The following IGSF11 variants were observed in gnomAD, a reference collection of about 807,000 sequenced individuals.
IGSF11 encodes the protein immunoglobulin superfamily member 11.
Under a neutral mutation model 41.0 loss-of-function variants are expected in IGSF11, and 22 were observed. That is an observed-to-expected ratio of 0.54 (90% CI 0.38 to 0.77). The LOEUF is 0.77. Among genes scored for constraint, IGSF11 ranks in the 30% least tolerant of loss-of-function variants. The probability of loss-of-function intolerance (pLI) is 0.00; values close to 1 mark genes in which losing one functional copy is unlikely to be tolerated. For missense variants in IGSF11, 444 were observed against 530.8 expected (o/e 0.84, Z 1.61); for synonymous variants, 219 against 201.3 (o/e 1.09, Z -0.74).
intron 1 of IGSF11, among the ~76,000 whole-genome samples, chr3:119,084,539 C>T (rs1559858372): frequency 6.6e-6 from 1 of 152,138 alleles, no homozygotes; most frequent in East Asian, 1.9e-4. Context: ...GCACCCACCC[C>T]CACTGCAGGC....
chr3:119,024,587 T>C (rs183461289), intron 1 of IGSF11, among the ~76,000 whole-genome samples: 12 of 152,284 alleles, frequency 7.9e-5, no homozygotes, highest in African/African-American at 2.9e-4. Context: ...TAATCAACGA[T>C]ATAAAATCAA....
At chr3:118,953,554 G>A (rs574756197) in intron 1 of IGSF11, among the ~76,000 whole-genome samples, 4 of 152,198 alleles carry the variant, frequency 2.6e-5, no homozygotes, top group Admixed American at 6.5e-5. Flanking sequence ...CCTCATCCAT[G>A]CCAACATCTA....
intron 1 of IGSF11, among the ~76,000 whole-genome samples, chr3:118,975,146 A>G (rs1270958738): frequency 6.6e-6 from 1 of 152,202 alleles, no homozygotes; most frequent in African/African-American, 2.4e-5. Flanking sequence ...TATTCTGGAG[A>G]AGAAATTCTC....
upstream of IGSF11, among the ~76,000 whole-genome samples, chr3:119,106,772 G>A (rs868068038): frequency 1.3e-5 from 2 of 149,986 alleles, no homozygotes; most frequent in Middle Eastern, 3.4e-3. Context: ...ACAGTGTGAT[G>A]TTCCCCTTCC....
At chr3:119,019,267 A>G (rs1169107281) in intron 1 of IGSF11, among the ~76,000 whole-genome samples, 3 of 151,630 alleles carry the variant, frequency 2.0e-5, no homozygotes, top group Non-Finnish European at 2.9e-5. Flanking sequence ...AAGGACAGCA[A>G]TAAGTACATT....
intron 2 of IGSF11, 87 bp downstream of exon 2, chr3:118,930,025 A>G: frequency 1.5e-6 from 2 of 1,366,084 alleles, no homozygotes; most frequent in African/African-American, 1.5e-5. Flanking sequence ...TATTCTCGAA[A>G]CCAAAGATGT....
chr3:119,129,663 A>G (rs909651918), intron 1 of IGSF11, among the ~76,000 whole-genome samples: 1 of 152,144 alleles, frequency 6.6e-6, no homozygotes, highest in Non-Finnish European at 1.5e-5. Context: ...GGTAACCTCA[A>G]ATCAAAAAAC....
intron 4 of IGSF11, among the ~76,000 whole-genome samples, chr3:118,914,405 T>C (rs1055256984): frequency 2.6e-5 from 4 of 151,444 alleles, no homozygotes; most frequent in Admixed American, 2.6e-4. Flanking sequence ...GCGCGCACCG[T>C]GTGCGAGCCG....
intron 1 of IGSF11, among the ~76,000 whole-genome samples, chr3:119,004,790 T>C (rs1425776126): frequency 6.6e-6 from 1 of 151,516 alleles, no homozygotes; most frequent in Non-Finnish European, 1.5e-5. Flanking sequence ...AGATTCTTAA[T>C]CCTGAGTTCT....
chr3:119,144,732 T>C (rs568603709), intron 1 of IGSF11, among the ~76,000 whole-genome samples: 1 of 152,272 alleles, frequency 6.6e-6, no homozygotes, highest in East Asian at 1.9e-4. Flanking sequence ...TTGTAAAATA[T>C]ATACATACCT....
At chr3:119,111,131 T>A (rs2077150290) in intron 1 of IGSF11, among the ~76,000 whole-genome samples, 1 of 152,210 alleles carries the variant, frequency 6.6e-6, no homozygotes, top group Admixed American at 6.5e-5. Context: ...TATCTGAATG[T>A]TGGCCTGCCT....
At chr3:118,983,740 G>A (rs1411849398) in intron 1 of IGSF11, among the ~76,000 whole-genome samples, 2 of 152,112 alleles carry the variant, frequency 1.3e-5, no homozygotes, top group Non-Finnish European at 2.9e-5. Flanking sequence ...TGGCTTCAGA[G>A]CCTAAGCAAT....
At chr3:119,106,733 C>G (rs192110684), upstream of IGSF11, among the ~76,000 whole-genome samples, 432 of 152,110 alleles carry the variant, frequency 2.8e-3, no homozygotes, top group African/African-American at 9.6e-3. Context: ...GCTATCCCTC[C>G]CCCCTCCTCC....
At chr3:119,095,504 G>C (rs2076834684) in intron 1 of IGSF11, among the ~76,000 whole-genome samples, 1 of 152,156 alleles carries the variant, frequency 6.6e-6, no homozygotes, top group South Asian at 2.1e-4. Flanking sequence ...GGATTATGAA[G>C]GGTCTAGGAT....
chr3:119,134,620 A>G (rs943950399), intron 1 of IGSF11, among the ~76,000 whole-genome samples: 2 of 152,216 alleles, frequency 1.3e-5, no homozygotes, highest in Non-Finnish European at 2.9e-5. Context: ...AATCAACATC[A>G]TGAAAATGGC....
chr3:119,017,430 T>C (rs1308701058), intron 1 of IGSF11, among the ~76,000 whole-genome samples: 1 of 152,216 alleles, frequency 6.6e-6, no homozygotes, highest in East Asian at 1.9e-4. Context: ...GTACAGAGAA[T>C]ATACGGTGTT....
chr3:119,063,304 T>C (rs1345088651), intron 1 of IGSF11, among the ~76,000 whole-genome samples: 1 of 152,188 alleles, frequency 6.6e-6, no homozygotes, highest in Non-Finnish European at 1.5e-5. Context: ...ATAATTCCTC[T>C]ACAAAGACTG....
chr3:118,966,949 C>T (rs528946987), intron 1 of IGSF11, among the ~76,000 whole-genome samples: 1 of 152,214 alleles, frequency 6.6e-6, no homozygotes, highest in East Asian at 1.9e-4. Context: ...GAAGAGACAA[C>T]TGTTCCTACC....
In IGSF11 at chr3:118,902,447, T is replaced by TCGC; in HGVS notation, c.*72_*73insGCG. 1.8e-6 allele frequency: 1 copy of TCGC among 563,916 alleles called. No homozygotes were observed. Among genetic ancestry groups the TCGC allele is most frequent in the East Asian group, 3.2e-5 (1 of 31,444 alleles). 34.9% of individuals were successfully genotyped at this position (563,916 alleles called of 1,614,324 possible). On this transcript the variant is annotated 3_prime_UTR_variant, in exon 7 of 7. Coordinates refer to ENST00000393775, the MANE Select transcript of IGSF11 (RefSeq NM_001015887.3). ...TAAGGAAGTGTTTCTTTCCCAGCACTCCCCACCCCACCCTCCCCCTTGTAT... is the reference window on the plus strand; with the variant it reads ...TAAGGAAGTGTTTCTTTCCCAGCACTCGCCCCCACCCCACCCTCCCCCTTGTAT...
Sources: gnomAD v4.1 joint callset for allele counts (sites outside exome capture counted in the v4.1 genomes callset) on GRCh38, gnomAD v4.1.1 for gene constraint, MANE v1.5 for transcripts, NCBI Gene and HGNC (gene_info 2026-07-23, HGNC 2026-07-21) for gene names.